CFHR5: variants seen among roughly 807,000 people sequenced by gnomAD.
The protein encoded by CFHR5 is complement factor H related 5.
A neutral mutation model predicts 62.9 loss-of-function variants in CFHR5; 73 were observed. The observed-to-expected ratio is 1.16, with a 90% CI of 0.96 to 1.41. The LOEUF (loss-of-function observed/expected upper bound fraction) is 1.41, where lower values mean the gene tolerates loss of function less well. CFHR5 is among the 40% of genes most tolerant of loss of function. CFHR5 has a pLI of 0.00. For missense variants in CFHR5, 779 were observed against 679.9 expected, an observed-to-expected ratio of 1.15 and a Z score of -1.62; for synonymous variants, 249 against 227.2, an observed-to-expected ratio of 1.10 and a Z score of -0.86.
rs189457092 is a variant in CFHR5, at chr1:197,003,049, G to C, written c.1330+385G>C. Among the ~76,000 whole-genome samples, 701 of 152,270 alleles carry C rather than the reference G, an allele frequency of 4.6e-3. 10 individuals are homozygous for C. Among genetic ancestry groups the C allele is most frequent in the African/African-American group, 0.016 (660 of 41,538 alleles). ...GCAATACCCAACCTTTTTAGCATCA[G>C]GGACATGTTTTGTGGAAGACAATTT... On this transcript the variant is annotated intron_variant, in intron 8 of 9. Coordinates refer to ENST00000256785, the MANE Select transcript of CFHR5 (RefSeq NM_030787.4).
chr1:197,007,776 GTATAA>G (rs976766031), intron 9 of CFHR5, among the ~76,000 whole-genome samples: 11 of 145,512 alleles, frequency 7.6e-5, no homozygotes, highest in African/African-American at 2.8e-4. Flanking sequence ...AATATGTTAT[GTATAA>G]TATATTATAT....
At chr1:196,981,562 T>A (rs1338929058) in intron 1 of CFHR5, among the ~76,000 whole-genome samples, 1 of 152,062 alleles carries the variant, frequency 6.6e-6, no homozygotes, top group East Asian at 1.9e-4. Flanking sequence ...TCACCCATTT[T>A]CTACATTGTT....
Position 197,008,798 on chromosome 1 carries a change from A to G in CFHR5, c.*115A>G, listed in dbSNP as rs1044682796. On this transcript the variant is annotated 3_prime_UTR_variant, in exon 10 of 10. Transcript: ENST00000256785. ...TATTCTTTCAGGTGTTGTTTAACTC[A>G]GTTTTATTTAGAACTCTGGATTTTT... is the stretch of plus-strand genomic sequence containing the variant. 3.5e-6 allele frequency: 3 copies of G among 865,510 alleles called. No individual in the cohort carries two copies. The African/African-American group carries it at 5.1e-5, about 15-fold the overall frequency. 53.6% of individuals were successfully genotyped at this position (865,510 alleles called of 1,614,324 possible).
intron 1 of CFHR5, among the ~76,000 whole-genome samples, chr1:196,979,834 T>C (rs1653492038): frequency 6.6e-6 from 1 of 152,138 alleles, no homozygotes; most frequent in Non-Finnish European, 1.5e-5. Context: ...CAGGATAGAC[T>C]AAATTTATTT....
At position 196,998,238 on chromosome 1, in the gene CFHR5, G is replaced by T; in HGVS notation, c.1081G>T (p.Asp361Tyr). ...HNSRIRYRCS[D>Y]IFRYRHSVCI... ...TTCTAGAATACGTTACAGATGTTCA[G>T]ACATCTTCAGATACAGGCACTCAGT... Residue 361 changes from aspartate to tyrosine, a missense_variant, in exon 7 of 10, where the codon GAC (aspartate) becomes TAC (tyrosine). Transcript: ENST00000256785. 1 of 1,610,000 alleles carries T rather than the reference G, an allele frequency of 6.2e-7. No homozygotes were observed. The highest frequency in any genetic ancestry group is 8.5e-7 in the Non-Finnish European group (1 of 1,177,326).
Position 196,998,115 on chromosome 1 carries a change from T to TA in CFHR5, c.971-13_971-12insA, listed in dbSNP as rs1221971473. On this transcript the variant is annotated splice_polypyrimidine_tract_variant and intron_variant, in intron 6 of 9. Transcript: ENST00000256785. ...ATAATTGTTTAGTTTCTATTTAATATTATTTTTTATAGCAACACACCAACT... is the reference window on the plus strand; with the variant it reads ...ATAATTGTTTAGTTTCTATTTAATATATATTTTTTATAGCAACACACCAACT... 3.1e-5 allele frequency: 45 copies of TA among 1,456,774 alleles called. No individual in the cohort carries two copies. The highest frequency in any genetic ancestry group is 4.6e-4 in the Middle Eastern group (2 of 4,352). 90.2% of individuals were successfully genotyped at this position (1,456,774 alleles called of 1,614,324 possible). A position where few individuals can be genotyped will look rare whatever the true frequency, so the allele number is the denominator to read the frequency against.
upstream of CFHR5, among the ~76,000 whole-genome samples, chr1:196,976,044 T>C (rs1464123270): frequency 9.9e-5 from 15 of 152,158 alleles, no homozygotes; most frequent in Admixed American, 9.8e-4. Context: ...GTAAGTGAGC[T>C]AAAAAGATTG....
chr1:197,004,025 A>G (rs2125039485), intron 8 of CFHR5, among the ~76,000 whole-genome samples: 1 of 152,274 alleles, frequency 6.6e-6, no homozygotes, highest in East Asian at 1.9e-4. Context: ...GCAATTTGGG[A>G]TAGGATTACT....
At chr1:196,984,280 G>A (rs1653624649) in intron 3 of CFHR5, 143 bp downstream of exon 3, 1 of 726,490 alleles carries the variant, frequency 1.4e-6, no homozygotes, top group East Asian at 2.7e-5. Flanking sequence ...TTGTGTCTAA[G>A]TAGATGTGCA....
At chr1:196,987,230 T>C (rs1248042311) in intron 3 of CFHR5, among the ~76,000 whole-genome samples, 2 of 152,222 alleles carry the variant, frequency 1.3e-5, no homozygotes, top group Non-Finnish European at 2.9e-5. Context: ...CTTGTAGATT[T>C]GTTTAAGTTC....
At chr1:196,995,970 A>G (rs920701361) in intron 5 of CFHR5, 52 bp from the exon 6 acceptor site, 23 of 1,598,134 alleles carry the variant, frequency 1.4e-5, no homozygotes, top group Middle Eastern at 1.7e-4. Flanking sequence ...ACACATGTAA[A>G]CAGATTTAAA....
intron 9 of CFHR5, among the ~76,000 whole-genome samples, chr1:197,006,380 A>G (rs747584228): frequency 6.7e-6 from 1 of 150,246 alleles, no homozygotes; most frequent in Non-Finnish European, 1.5e-5. Context: ...TTTATTTCCC[A>G]TGAGATAGGA....
At position 196,990,272 on chromosome 1, in the gene CFHR5, G is replaced by A. The variant is rs139238131; in HGVS notation, c.431-3808G>A. ...TTTGAGCCTATGTGTGTCTCTGCAC[G>A]TGAGATAGGTCTCCGGAATACAGCA... On this transcript the variant is annotated intron_variant, in intron 3 of 9. Transcript: ENST00000256785. Among the ~76,000 whole-genome samples the A allele has an allele frequency of 6.5e-3, 981 of 151,682 alleles. 15 individuals carry two copies. The highest frequency in any genetic ancestry group is 0.023 in the African/African-American group (935 of 41,298).
At position 197,008,989 on chromosome 1, in the gene CFHR5, C is replaced by T. The variant is rs1044115042; in HGVS notation, c.*306C>T. 1.5e-5 allele frequency: 4 copies of T among 275,222 alleles called. No homozygotes were observed. The highest frequency in any genetic ancestry group is 8.9e-5 in the South Asian group (2 of 22,496). The allele number at this position is 275,222 out of a possible 1,614,324, so 17.0% of individuals were successfully genotyped here. A position where few individuals can be genotyped will look rare whatever the true frequency, so the allele number is the denominator to read the frequency against. ...AGCTGAGAAGTCCAAGATGGTGGGG[C>T]TGCCTCTGGTGAGGGTCTTCTCGAA... is the stretch of plus-strand genomic sequence containing the variant. On this transcript the variant is annotated 3_prime_UTR_variant, in exon 10 of 10. Coordinates refer to ENST00000256785, the MANE Select transcript of CFHR5 (RefSeq NM_030787.4).
chr1:196,975,177 A>T (rs1653367845), upstream of CFHR5, among the ~76,000 whole-genome samples: 1 of 152,176 alleles, frequency 6.6e-6, no homozygotes, highest in African/African-American at 2.4e-5. Context: ...TGACCAATGG[A>T]TTTGATTAGA....
chr1:196,988,421 T>TA (rs986707300), intron 3 of CFHR5, among the ~76,000 whole-genome samples: 31 of 152,142 alleles, frequency 2.0e-4, no homozygotes, highest in African/African-American at 7.5e-4. Flanking sequence ...ATAGGAGTGG[T>TA]AAGAGAGGGC....
chr1:196,993,484 G>T (rs913943034), intron 3 of CFHR5, among the ~76,000 whole-genome samples: 2 of 151,906 alleles, frequency 1.3e-5, no homozygotes, highest in South Asian at 2.1e-4. Flanking sequence ...TTCAGTAGAG[G>T]CAGGGTTTCA....
intron 7 of CFHR5, among the ~76,000 whole-genome samples, chr1:196,998,765 G>A (rs1261693582): frequency 6.6e-6 from 1 of 151,838 alleles, no homozygotes; most frequent in Non-Finnish European, 1.5e-5. Context: ...TTCCTCGAAG[G>A]CTTATATTCA....
At chr1:196,981,618 T>A (rs995957186) in intron 1 of CFHR5, among the ~76,000 whole-genome samples, 14 of 152,042 alleles carry the variant, frequency 9.2e-5, no homozygotes, top group Admixed American at 8.5e-4. Flanking sequence ...TGTGTGAGTG[T>A]CTATATAAAT....
Sources: gnomAD v4.1 joint callset for allele counts (sites outside exome capture counted in the v4.1 genomes callset) on GRCh38, gnomAD v4.1.1 for gene constraint, MANE v1.5 for transcripts, NCBI Gene and HGNC (gene_info 2026-07-23, HGNC 2026-07-21) for gene names.